BBS9: variants seen among roughly 807,000 people sequenced by gnomAD.
BBS9 encodes the protein protein PTHB1.
In BBS9, 89 loss-of-function variants were observed where a neutral mutation model predicts 117.7. That is an observed-to-expected ratio of 0.76 (90% CI 0.64 to 0.90). BBS9 has a LOEUF of 0.90. BBS9 is among the 40% of genes least tolerant of loss of function. BBS9 has a pLI of 0.00. For synonymous variants in BBS9, 379 were observed against 370.9 expected, an observed-to-expected ratio of 1.02 and a Z score of -0.25; for missense variants, 982 against 1,042.2, an observed-to-expected ratio of 0.94 and a Z score of 0.80.
chr7:33,306,311 C>T (rs1293169753), intron 9 of BBS9, among the ~76,000 whole-genome samples: 4 of 151,948 alleles, frequency 2.6e-5, no homozygotes, highest in Non-Finnish European at 5.9e-5. Flanking sequence ...TGTGACTTAA[C>T]ATATAGATGT....
chr7:33,305,330 G>T (rs1807652938), intron 9 of BBS9, among the ~76,000 whole-genome samples: 1 of 151,892 alleles, frequency 6.6e-6, no homozygotes, highest in South Asian at 2.1e-4. Context: ...GAATATTTGT[G>T]TCAATATTCA....
chr7:33,253,572 AC>A (rs540763466), intron 5 of BBS9, among the ~76,000 whole-genome samples: 15 of 152,322 alleles, frequency 9.8e-5, no homozygotes, highest in Admixed American at 6.5e-4. Context: ...AGATCGTGCC[AC>A]TGCACTCCAG....
At chr7:33,406,483 T>C (rs1242866726) in intron 19 of BBS9, among the ~76,000 whole-genome samples, 1 of 152,170 alleles carries the variant, frequency 6.6e-6, no homozygotes, top group Non-Finnish European at 1.5e-5. Context: ...CATTATGATG[T>C]TAGCTGGTTA....
At chr7:33,408,295 G>C (rs966610588) in intron 19 of BBS9, among the ~76,000 whole-genome samples, 24 of 152,170 alleles carry the variant, frequency 1.6e-4, no homozygotes, top group African/African-American at 5.8e-4. Context: ...TCGGAAAAGT[G>C]CAGTATTAGG....
At chr7:33,448,581 T>C (rs982829952) in intron 19 of BBS9, among the ~76,000 whole-genome samples, 1 of 152,194 alleles carries the variant, frequency 6.6e-6, no homozygotes, top group African/African-American at 2.4e-5. Context: ...TGTGAAGCAA[T>C]TGGCCCAATA....
At chr7:33,294,496 C>T (rs1031423717) in intron 9 of BBS9, among the ~76,000 whole-genome samples, 7 of 152,204 alleles carry the variant, frequency 4.6e-5, no homozygotes, top group Admixed American at 2.0e-4. Flanking sequence ...TGGCTGGAGG[C>T]TCCAGTTAAT....
intron 20 of BBS9, among the ~76,000 whole-genome samples, chr7:33,527,504 C>T (rs965425697): frequency 1.3e-5 from 2 of 152,246 alleles, no homozygotes; most frequent in East Asian, 3.9e-4. Flanking sequence ...GGGAGTGACC[C>T]GATTTTCCAG....
intron 21 of BBS9, among the ~76,000 whole-genome samples, chr7:33,600,610 G>C (rs760366456): frequency 1.1e-4 from 17 of 152,240 alleles, no homozygotes; most frequent in Admixed American, 2.0e-4. Flanking sequence ...AAGGAATTCA[G>C]TCTCAGTTAT....
chr7:33,322,406 C>A (rs1297289215), intron 9 of BBS9, among the ~76,000 whole-genome samples: 1 of 102,690 alleles, frequency 9.7e-6, no homozygotes, highest in Non-Finnish European at 1.9e-5. Context: ...ATTATGGCAT[C>A]AATCTCATTA....
intron 21 of BBS9, among the ~76,000 whole-genome samples, chr7:33,548,285 T>C (rs550025632): frequency 2.6e-4 from 39 of 152,314 alleles, no homozygotes; most frequent in Middle Eastern, 3.4e-3. Context: ...ATTTCTTTAA[T>C]TGTCATGTAG....
chr7:33,272,664 A>G (rs2128343525), intron 7 of BBS9, among the ~76,000 whole-genome samples: 1 of 152,268 alleles, frequency 6.6e-6, no homozygotes, highest in African/African-American at 2.4e-5. Flanking sequence ...AAACACATGT[A>G]CAATCATAAT....
chr7:33,381,500 G>T (rs1362963104), intron 17 of BBS9, among the ~76,000 whole-genome samples: 1 of 151,850 alleles, frequency 6.6e-6, no homozygotes, highest in Non-Finnish European at 1.5e-5. Flanking sequence ...GCTTAGTGTG[G>T]ATAAGACTAG....
In BBS9 at chr7:33,534,175, A is replaced by G; in HGVS notation, c.2520A>G (p.Pro840=). The change falls in exon 21 of 23, where the codon CCA becomes CCG. Residue 840 remains proline (P), a splice_region_variant and synonymous_variant. Transcript: ENST00000242067. ...DAAAPQTMVM[P]GGCTTIPESD... Reference sequence around the variant, plus strand: ...CAGCCCCACAGACCATGGTCATGCCAGGTAAGAGCTCTGTCCATGCTCCCT... The same window carrying G: ...CAGCCCCACAGACCATGGTCATGCCGGGTAAGAGCTCTGTCCATGCTCCCT... The G allele has an allele frequency of 6.2e-7, 1 of 1,613,682 alleles. No homozygotes were observed. Among genetic ancestry groups the G allele is most frequent in the Non-Finnish European group, 8.5e-7 (1 of 1,179,664 alleles).
At chr7:33,175,593 A>G (rs1797229608) in intron 4 of BBS9, among the ~76,000 whole-genome samples, 1 of 152,222 alleles carries the variant, frequency 6.6e-6, no homozygotes, top group Admixed American at 6.5e-5. Context: ...TGAGGTACAG[A>G]AACAGCTTCA....
intron 21 of BBS9, among the ~76,000 whole-genome samples, chr7:33,539,248 A>T (rs57617668): frequency 6.6e-6 from 1 of 152,150 alleles, no homozygotes. Context: ...TAGGTGGGAC[A>T]TGGCTTTATT....
intron 20 of BBS9, among the ~76,000 whole-genome samples, chr7:33,517,742 C>T (rs1563290124): frequency 6.6e-6 from 1 of 152,088 alleles, no homozygotes; most frequent in Non-Finnish European, 1.5e-5. Context: ...ATAACAGAGG[C>T]AAGATTTGAA....
intron 21 of BBS9, among the ~76,000 whole-genome samples, chr7:33,591,242 G>GA (rs1456389555): frequency 1.3e-5 from 2 of 151,826 alleles, no homozygotes; most frequent in African/African-American, 4.8e-5. Flanking sequence ...TGCATAAGAG[G>GA]AAAAAAATTT....
intron 21 of BBS9, among the ~76,000 whole-genome samples, chr7:33,581,334 A>G (rs1301077123): frequency 6.6e-6 from 1 of 152,094 alleles, no homozygotes; most frequent in East Asian, 1.9e-4. Context: ...CTTTATTTAC[A>G]CCTATAAACG....
intron 7 of BBS9, among the ~76,000 whole-genome samples, chr7:33,270,326 G>T (rs559157297): frequency 6.6e-6 from 1 of 152,064 alleles, no homozygotes; most frequent in Non-Finnish European, 1.5e-5. Flanking sequence ...CTAAATGATC[G>T]CACTAATTCT....
Sources: allele counts gnomAD v4.1 joint callset (sites outside exome capture counted in the v4.1 genomes callset), GRCh38; gene constraint gnomAD v4.1.1; transcripts MANE v1.5; gene names NCBI Gene and HGNC (gene_info 2026-07-23, HGNC 2026-07-21).